The following MAK variants were observed in gnomAD, a reference collection of about 807,000 sequenced individuals.
MAK encodes the protein serine/threonine-protein kinase MAK.
A neutral mutation model predicts 82.6 loss-of-function variants in MAK; 65 were observed. That is an observed-to-expected ratio of 0.79 (90% CI 0.64 to 0.97). The LOEUF (loss-of-function observed/expected upper bound fraction) is 0.97, where lower values mean the gene tolerates loss of function less well. Ranked by LOEUF, MAK falls within the 50% of genes least tolerant of loss-of-function variation. MAK has a pLI of 0.00. For synonymous variants in MAK, 250 were observed against 274.2 expected (o/e 0.91, Z 0.87); for missense variants, 703 against 780.2 (o/e 0.90, Z 1.18).
intron 1 of MAK, among the ~76,000 whole-genome samples, chr6:10,832,572 T>C (rs1778887621): frequency 6.6e-6 from 1 of 152,026 alleles, no homozygotes; most frequent in Non-Finnish European, 1.5e-5. Flanking sequence ...CACTGAAGGC[T>C]CAGATAATCA....
chr6:10,821,970 AC>A (rs2127580885), intron 2 of MAK, among the ~76,000 whole-genome samples: 1 of 150,900 alleles, frequency 6.6e-6, no homozygotes, highest in East Asian at 2.0e-4. Flanking sequence ...ACAGGGTGAA[AC>A]CCCATCTCTA....
intron 9 of MAK, among the ~76,000 whole-genome samples, chr6:10,794,853 A>G (rs964328428): frequency 6.6e-6 from 1 of 151,944 alleles, no homozygotes; most frequent in Non-Finnish European, 1.5e-5. Flanking sequence ...TTAGCTGGGC[A>G]TGGTGGCACA....
At chr6:10,767,313 G>A (rs891540167) in intron 14 of MAK, among the ~76,000 whole-genome samples, 13 of 152,158 alleles carry the variant, frequency 8.5e-5, no homozygotes, top group African/African-American at 3.1e-4. Context: ...CTGGAATACA[G>A]CCCTGGGAGG....
intron 6 of MAK, among the ~76,000 whole-genome samples, chr6:10,808,255 C>G (rs1483937372): frequency 6.6e-6 from 1 of 152,130 alleles, no homozygotes; most frequent in Non-Finnish European, 1.5e-5. Flanking sequence ...TCTTTGGGCT[C>G]TTGATCTCAA....
At chr6:10,778,881 A>T (rs1773698900) in intron 11 of MAK, among the ~76,000 whole-genome samples, 1 of 152,064 alleles carries the variant, frequency 6.6e-6, no homozygotes, top group Admixed American at 6.6e-5. Flanking sequence ...TAATCCCAGC[A>T]CTTTGGGAGG....
In MAK at chr6:10,830,124, C is replaced by CGTGTGTGTGTGTGT. The variant is rs35519970; in HGVS notation, c.101+410_101+423dup. Among the ~76,000 whole-genome samples the CGTGTGTGTGTGTGT allele has an allele frequency of 3.8e-3, 535 of 141,576 alleles. 2 individuals carry two copies. The highest frequency in any genetic ancestry group is 9.0e-3 in the Admixed American group (127 of 14,094). The allele number at this position is 141,576 out of a possible 152,430, so 92.9% of individuals were successfully genotyped here. On this transcript the variant is annotated intron_variant, in intron 2 of 14. Transcript: ENST00000354489. ...AGCCACCGCACACAGCCTGTGTGCA[C>CGTGTGTGTGTGTGT]GTGTGTGTGTGTGTGTGTGTGTGTG...
At chr6:10,764,978 C>T (rs1031889992) in intron 14 of MAK, among the ~76,000 whole-genome samples, 23 of 151,924 alleles carry the variant, frequency 1.5e-4, no homozygotes, top group African/African-American at 5.6e-4. Context: ...TGACTGTAAT[C>T]CCAGCTACTC....
At chr6:10,782,078 G>A (rs1255271887) in intron 11 of MAK, among the ~76,000 whole-genome samples, 1 of 152,028 alleles carries the variant, frequency 6.6e-6, no homozygotes, top group East Asian at 1.9e-4. Context: ...GTGGTGGTGA[G>A]CGCCTGTAAT....
intron 11 of MAK, among the ~76,000 whole-genome samples, chr6:10,782,260 C>G (rs1250472886): frequency 6.7e-6 from 1 of 149,748 alleles, no homozygotes; most frequent in Non-Finnish European, 1.5e-5. Flanking sequence ...AGACACACAC[C>G]AAAACTATTT....
At position 10,801,994 on chromosome 6, in the gene MAK, A is replaced by G. The variant is rs1204346057; in HGVS notation, c.729T>C (p.Pro243=). The G allele has an allele frequency of 1.2e-6, 2 of 1,614,126 alleles. No homozygotes were observed. Among genetic ancestry groups the G allele is most frequent in the East Asian group, 4.5e-5 (2 of 44,878 alleles). Residue 243 remains proline (P), a synonymous_variant, in exon 8 of 15, where the codon CCT becomes CCC. Transcript: ENST00000354489. ...SMNFRFPQCV[P]INLKTLIPNA... ...TGGGAATAAGAGTTTTTAAGTTTATAGGAACACACTGGGGAAAACGGAAGT... is the reference window on the plus strand; with the variant it reads ...TGGGAATAAGAGTTTTTAAGTTTATGGGAACACACTGGGGAAAACGGAAGT...
In MAK at chr6:10,764,733, C is replaced by T. The variant is rs1024891877; in HGVS notation, c.1793-127G>A. On this transcript the variant is annotated intron_variant, in intron 14 of 14. Transcript: ENST00000354489. ...ATGTTTAAAAGATTAACTCAGTACT[C>T]TCTGAGGCTTTTTAAATGTTAAAAC... 5.2e-6 allele frequency: 5 copies of T among 954,704 alleles called. No individual in the cohort carries two copies. In the South Asian group the frequency reaches 6.8e-5, roughly 13 times the overall value. 59.1% of individuals were successfully genotyped at this position (954,704 alleles called of 1,614,324 possible).
At chr6:10,802,100 C>G in intron 7 of MAK, 41 bp from the exon 8 acceptor site, 1 of 1,564,432 alleles carries the variant, frequency 6.4e-7, no homozygotes, top group Non-Finnish European at 8.8e-7. Flanking sequence ...GAGGGCAAAA[C>G]AAATTGTTTT....
At chr6:10,788,272 AT>A (rs2127538180) in intron 10 of MAK, among the ~76,000 whole-genome samples, 1 of 152,172 alleles carries the variant, frequency 6.6e-6, no homozygotes, top group African/African-American at 2.4e-5. Context: ...GTTTATAAGT[AT>A]AAGCCACCAT....
intron 5 of MAK, among the ~76,000 whole-genome samples, chr6:10,813,194 G>A (rs1777196717): frequency 8.5e-6 from 1 of 118,026 alleles, no homozygotes; most frequent in African/African-American, 3.3e-5. Context: ...TGTTGCCCAG[G>A]CTGGAGTGCA....
At position 10,775,423 on chromosome 6, in the gene MAK, C is replaced by A; in HGVS notation, c.1502G>T (p.Gly501Val). The change falls in exon 12 of 15, where the codon GGA becomes GTA. Residue 501 changes from glycine (G) to valine (V), a missense_variant. Transcript: ENST00000354489. ...CCAAGTGTGGGGGTTTATTTCCTTTCCACTGGCTATCAAGGACACCTTCTT... is the reference window on the plus strand; with the variant it reads ...CCAAGTGTGGGGGTTTATTTCCTTTACACTGGCTATCAAGGACACCTTCTT... ...NPKKVSLIASGKEINPHTWSN... is the reference protein window; with the variant it reads ...NPKKVSLIASVKEINPHTWSN... 1 of 1,613,870 alleles carries A rather than the reference C, an allele frequency of 6.2e-7. No homozygotes were observed. Among genetic ancestry groups the A allele is most frequent in the Non-Finnish European group, 8.5e-7 (1 of 1,179,828 alleles).
At chr6:10,832,399 CA>C (rs1778875087) in intron 1 of MAK, among the ~76,000 whole-genome samples, 2 of 152,220 alleles carry the variant, frequency 1.3e-5, no homozygotes, top group Non-Finnish European at 2.9e-5. Context: ...TCACATATTA[CA>C]GAGAAATCTT....
chr6:10,769,081 G>A (rs1041309601), intron 14 of MAK, among the ~76,000 whole-genome samples: 2 of 152,132 alleles, frequency 1.3e-5, no homozygotes, highest in African/African-American at 4.8e-5. Flanking sequence ...GGGCACGGTC[G>A]TGTGTGCCTG....
intron 1 of MAK, among the ~76,000 whole-genome samples, chr6:10,837,182 C>A (rs984815185): frequency 6.6e-6 from 1 of 152,108 alleles, no homozygotes; most frequent in Non-Finnish European, 1.5e-5. Context: ...TTCTAATACA[C>A]AACAAAAGAG....
intron 8 of MAK, among the ~76,000 whole-genome samples, chr6:10,796,623 T>C (rs1328556467): frequency 2.6e-5 from 4 of 152,094 alleles, no homozygotes. Context: ...CCGACCAACA[T>C]GGTGAAACCC....
Sources: gnomAD v4.1 joint callset for allele counts (sites outside exome capture counted in the v4.1 genomes callset) on GRCh38, gnomAD v4.1.1 for gene constraint, MANE v1.5 for transcripts, NCBI Gene and HGNC (gene_info 2026-07-23, HGNC 2026-07-21) for gene names.